The following SCARA5 variants were observed in gnomAD, a reference collection of about 807,000 sequenced individuals.
SCARA5 encodes scavenger receptor class A member 5, also known as scavenger receptor class A, member 5 (putative).
In SCARA5, 45 loss-of-function variants were observed where a neutral mutation model predicts 46.3. The ratio of observed to expected loss-of-function variants is 0.97; its 90% CI spans 0.76 to 1.24. The LOEUF (loss-of-function observed/expected upper bound fraction) is 1.24. Ranked by LOEUF, SCARA5 falls within the 50% of genes most tolerant of loss-of-function variation. The pLI, the probability that SCARA5 is intolerant of heterozygous loss-of-function variation, is 0.00. For missense variants in SCARA5, 680 were observed against 689.0 expected, an observed-to-expected ratio of 0.99 and a Z score of 0.15; for synonymous variants, 333 against 306.5, an observed-to-expected ratio of 1.09 and a Z score of -0.90.
chr8:27,924,245 GA>G (rs1024658898), intron 3 of SCARA5, among the ~76,000 whole-genome samples: 1 of 152,186 alleles, frequency 6.6e-6, no homozygotes, highest in Non-Finnish European at 1.5e-5. Context: ...ATTCCACCTT[GA>G]AAATCTTGGA....
chr8:27,897,829 A>G (rs1358031097), intron 7 of SCARA5, among the ~76,000 whole-genome samples: 2 of 152,384 alleles, frequency 1.3e-5, no homozygotes, highest in African/African-American at 4.8e-5. Flanking sequence ...TAAACTCCAC[A>G]GTGCCTTGTT....
chr8:27,906,331 A>G (rs1259007407), intron 6 of SCARA5, among the ~76,000 whole-genome samples: 1 of 152,264 alleles, frequency 6.6e-6, no homozygotes, highest in Non-Finnish European at 1.5e-5. Flanking sequence ...AGACAGACTG[A>G]CTGTAAAAGT....
chr8:27,963,243 G>C (rs936329827), intron 3 of SCARA5, among the ~76,000 whole-genome samples: 10 of 152,194 alleles, frequency 6.6e-5, no homozygotes, highest in Non-Finnish European at 8.8e-5. Flanking sequence ...TAATTCTATT[G>C]CAAAGGACAT....
chr8:27,894,560 T>C (rs1807031756), intron 7 of SCARA5, among the ~76,000 whole-genome samples: 2 of 152,218 alleles, frequency 1.3e-5, no homozygotes, highest in Admixed American at 1.3e-4. Context: ...TAGGTGATTT[T>C]GGTGCACAGC....
In SCARA5 at chr8:27,987,646, G is replaced by A; in HGVS notation, c.-15-16C>T. 1 of 1,446,098 alleles carries A rather than the reference G, an allele frequency of 6.9e-7. No individual in the cohort carries two copies. The highest frequency in any genetic ancestry group is 1.1e-5 in the South Asian group (1 of 87,710). 89.6% of individuals were successfully genotyped at this position (1,446,098 alleles called of 1,614,324 possible). A position where few individuals can be genotyped will look rare whatever the true frequency, so the allele number is the denominator to read the frequency against. ...CCTGCAACAGCTGCAGAGAAGGCAA[G>A]AGGGGAGGAGAGGGAGGACGAAGGC... On this transcript the variant is annotated splice_polypyrimidine_tract_variant and intron_variant, in intron 1 of 8. Coordinates refer to ENST00000354914, the MANE Select transcript of SCARA5 (RefSeq NM_173833.6).
intron 3 of SCARA5, among the ~76,000 whole-genome samples, chr8:27,959,765 T>C (rs1808265540): frequency 6.6e-6 from 1 of 152,158 alleles, no homozygotes; most frequent in Admixed American, 6.5e-5. Context: ...CTCGCAGTTG[T>C]TTTTTGGGAA....
At chr8:27,988,953 G>A (rs1430171959) in intron 1 of SCARA5, among the ~76,000 whole-genome samples, 3 of 152,108 alleles carry the variant, frequency 2.0e-5, no homozygotes, top group African/African-American at 7.2e-5. Context: ...GACAATGCCT[G>A]TTGATTGAGA....
intron 2 of SCARA5, among the ~76,000 whole-genome samples, chr8:27,968,081 G>T (rs1465367215): frequency 2.0e-5 from 3 of 152,096 alleles, no homozygotes; most frequent in Non-Finnish European, 4.4e-5. Context: ...TACCTCAAAG[G>T]TTACATATCG....
intron 2 of SCARA5, among the ~76,000 whole-genome samples, chr8:27,971,793 C>T (rs569524314): frequency 1.3e-5 from 2 of 152,030 alleles, no homozygotes; most frequent in Non-Finnish European, 2.9e-5. Flanking sequence ...TTGTTCATCT[C>T]GGTGTGGAGC....
At chr8:27,903,209 T>C (rs929036092) in intron 7 of SCARA5, 4 of 152,210 alleles carry the variant, frequency 2.6e-5, no homozygotes, top group African/African-American at 9.6e-5. Context: ...CTGAGTGTGC[T>C]TGATCTCATC....
intron 3 of SCARA5, among the ~76,000 whole-genome samples, chr8:27,931,143 G>A (rs1807765914): frequency 6.6e-6 from 1 of 152,222 alleles, no homozygotes; most frequent in African/African-American, 2.4e-5. Context: ...TAGAGCTCTA[G>A]CACTTCAAGT....
chr8:27,990,341 G>A (rs1158634164), intron 1 of SCARA5, among the ~76,000 whole-genome samples: 1 of 152,120 alleles, frequency 6.6e-6, no homozygotes, highest in Non-Finnish European at 1.5e-5. Context: ...GGTTTCTTGG[G>A]GGCTGTTTTT....
chr8:27,870,662 TAA>T lies in SCARA5; in HGVS notation c.*1270_*1271del, dbSNP rs985711713. 1.8e-4 allele frequency: 27 copies of T among 152,122 alleles called. 1 individual carries two copies. Among genetic ancestry groups the T allele is most frequent in the Admixed American group, 1.7e-3 (26 of 15,276 alleles). 9.4% of individuals were successfully genotyped at this position (152,122 alleles called of 1,614,324 possible). A position where few individuals can be genotyped will look rare whatever the true frequency, so the allele number is the denominator to read the frequency against. ...GTATGGCCCAGTTCTGCTCCTCATG[TAA>T]AAAGCAGAACACGATCTCCCTGTCT... is the stretch of plus-strand genomic sequence containing the variant. On this transcript the variant is annotated 3_prime_UTR_variant, in exon 9 of 9. Coordinates refer to ENST00000354914, the MANE Select transcript of SCARA5 (RefSeq NM_173833.6).
chr8:27,927,360 T>G (rs1807696601), intron 3 of SCARA5, among the ~76,000 whole-genome samples: 1 of 152,240 alleles, frequency 6.6e-6, no homozygotes. Context: ...TGCTGTTCAT[T>G]GCACAACAAA....
Position 27,987,651 on chromosome 8 carries a change from G to C in SCARA5, c.-15-21C>G, listed in dbSNP as rs757885255. Reference sequence around the variant, plus strand: ...AACAGCTGCAGAGAAGGCAAGAGGGGAGGAGAGGGAGGACGAAGGCCGGGA... The same window carrying C: ...AACAGCTGCAGAGAAGGCAAGAGGGCAGGAGAGGGAGGACGAAGGCCGGGA... On this transcript the variant is annotated intron_variant, in intron 1 of 8. Transcript: ENST00000354914. The C allele has an allele frequency of 3.6e-6, 5 of 1,401,794 alleles. No homozygotes were observed. The African/African-American group carries it at 5.7e-5, about 16-fold the overall frequency. The allele number at this position is 1,401,794 out of a possible 1,614,324, so 86.8% of individuals were successfully genotyped here. A position where few individuals can be genotyped will look rare whatever the true frequency, so the allele number is the denominator to read the frequency against.
intron 3 of SCARA5, among the ~76,000 whole-genome samples, chr8:27,942,630 G>A (rs1454916493): frequency 2.6e-5 from 4 of 152,208 alleles, no homozygotes; most frequent in East Asian, 1.9e-4. Context: ...GAGCACCTGC[G>A]TCCACTTCCT....
At chr8:27,874,231 C>G (rs1001291710) in intron 8 of SCARA5, among the ~76,000 whole-genome samples, 2 of 152,218 alleles carry the variant, frequency 1.3e-5, no homozygotes, top group African/African-American at 4.8e-5. Flanking sequence ...CTACAGGCTT[C>G]CATCTGTGCC....
At chr8:27,949,588 C>T (rs368634882) in intron 3 of SCARA5, among the ~76,000 whole-genome samples, 5 of 152,310 alleles carry the variant, frequency 3.3e-5, no homozygotes, top group African/African-American at 9.6e-5. Context: ...CCACTGTTGC[C>T]GCATAACTCA....
intron 3 of SCARA5, among the ~76,000 whole-genome samples, chr8:27,933,521 T>TAAAAAA (rs10660825): frequency 7.6e-6 from 1 of 130,950 alleles, no homozygotes; most frequent in Non-Finnish European, 1.6e-5. Context: ...GACTCCATCT[T>TAAAAAA]AAAAAAAAAA....
Sources: allele counts gnomAD v4.1 joint callset (sites outside exome capture counted in the v4.1 genomes callset), GRCh38; gene constraint gnomAD v4.1.1; transcripts MANE v1.5; gene names NCBI Gene and HGNC (gene_info 2026-07-23, HGNC 2026-07-21).